The following COL5A1 variants were observed in gnomAD, a reference collection of about 807,000 sequenced individuals.
The protein encoded by COL5A1 is collagen type V alpha 1 chain, also known as collagen alpha-1(V) chain.
A neutral mutation model predicts 263.7 loss-of-function variants in COL5A1; 16 were observed. That is an observed-to-expected ratio of 0.06 (90% CI 0.04 to 0.09). The LOEUF (loss-of-function observed/expected upper bound fraction) is 0.09. Ranked by LOEUF, COL5A1 falls within the 10% of genes least tolerant of loss-of-function variation. The pLI is 1.00. For synonymous variants in COL5A1, 1,012 were observed against 1,004.5 expected (o/e 1.01, Z -0.14); for missense variants, 2,036 against 2,540.5 (o/e 0.80, Z 4.27).
At chr9:134,688,610 C>T (rs1833161284) in intron 1 of COL5A1, among the ~76,000 whole-genome samples, 4 of 152,196 alleles carry the variant, frequency 2.6e-5, no homozygotes, top group African/African-American at 9.7e-5. Flanking sequence ...CCCTGCTTGG[C>T]AGCCGAAAGC....
chr9:134,713,011 C>T (rs949244909), intron 4 of COL5A1, among the ~76,000 whole-genome samples: 57 of 152,214 alleles, frequency 3.7e-4, no homozygotes, highest in Non-Finnish European at 8.8e-5. Flanking sequence ...GCGTGATTCC[C>T]GCTGTGCTCC....
intron 49 of COL5A1, 63 bp from the exon 50 acceptor site, chr9:134,814,734 C>T (rs1402717604): frequency 1.1e-5 from 14 of 1,274,296 alleles, no homozygotes; most frequent in Non-Finnish European, 1.5e-5. Context: ...CGGGGAGGCC[C>T]ACCTTGCTCT....
In COL5A1 at chr9:134,791,770, G is replaced by C. The variant is rs1378028303; in HGVS notation, c.2700+2562G>C. Among the ~76,000 whole-genome samples the C allele has an allele frequency of 3.3e-5, 5 of 152,160 alleles. No homozygotes were observed. The South Asian group carries it at 8.3e-4, about 25-fold the overall frequency. On this transcript the variant is annotated intron_variant, in intron 32 of 65. Coordinates refer to ENST00000371817, the MANE Select transcript of COL5A1 (RefSeq NM_000093.5). ...TGGGCTTTGGACTTGGTAGTCTTGG[G>C]TGCAGTCCATTCACTTAAACAGCAC...
intron 27 of COL5A1, among the ~76,000 whole-genome samples, 192 bp from the exon 28 acceptor site, chr9:134,779,909 AG>A (rs1837189117): frequency 6.6e-6 from 1 of 152,172 alleles, no homozygotes; most frequent in Non-Finnish European, 1.5e-5. Context: ...CAGTGGAGTC[AG>A]CCCAGGAATT....
rs148594985 is a variant in COL5A1 at position 134,700,561 on chromosome 9, G to C, written c.491+439G>C. Among the ~76,000 whole-genome samples the C allele has an allele frequency of 5.8e-4, 88 of 152,314 alleles. No individual in the cohort carries two copies. The highest frequency in any genetic ancestry group is 2.1e-3 in the African/African-American group (86 of 41,566). ...CTGTTGGGTGCAGACCTCAACACCAGGGGTTGTCAGTCTCCTCTTTCGTGG... is the reference window on the plus strand; with the variant it reads ...CTGTTGGGTGCAGACCTCAACACCACGGGTTGTCAGTCTCCTCTTTCGTGG... On this transcript the variant is annotated intron_variant, in intron 3 of 65. Coordinates refer to ENST00000371817, the MANE Select transcript of COL5A1 (RefSeq NM_000093.5). The surrounding 1 kb of genome is among the most constrained non-coding windows in gnomAD (Gnocchi z 4.0).
At chr9:134,724,884 G>T (rs775462743) in intron 4 of COL5A1, among the ~76,000 whole-genome samples, 1 of 150,638 alleles carries the variant, frequency 6.6e-6, no homozygotes, top group Non-Finnish European at 1.5e-5. Flanking sequence ...AACCAGGCTC[G>T]GGTGAACCAG....
chr9:134,649,727 T>C, intron 1 of COL5A1: 1 of 343,504 alleles, frequency 2.9e-6, no homozygotes, highest in East Asian at 7.7e-5. Flanking sequence ...TAAAGAGAAA[T>C]GCACACGTAT....
intron 4 of COL5A1, among the ~76,000 whole-genome samples, chr9:134,705,053 G>A (rs1833792184): frequency 6.6e-6 from 1 of 152,184 alleles, no homozygotes; most frequent in African/African-American, 2.4e-5. Context: ...CCCCTGGAAG[G>A]ACAACTTCCG....
intron 25 of COL5A1, among the ~76,000 whole-genome samples, chr9:134,771,242 C>A (rs142165129): frequency 9.8e-5 from 15 of 152,366 alleles, no homozygotes; most frequent in Non-Finnish European, 2.2e-4. Flanking sequence ...AGGTCCTTCA[C>A]AGAAAGGTGT....
rs150118305 is a variant in COL5A1, at chr9:134,821,076, T to G, written c.4554+853T>G. On this transcript the variant is annotated intron_variant, in intron 58 of 65. Transcript: ENST00000371817. This position sits in a 1 kb window ranked among gnomAD's most constrained non-coding sequence, Gnocchi z 4.2. ...GAGCTCATTGCAAACCCTACCTCAC[T>G]GGCCAGTGTCCTCCATGCCATTGAC... Among the ~76,000 whole-genome samples, 132 of 152,246 alleles carry G rather than the reference T, an allele frequency of 8.7e-4. No individual in the cohort carries two copies. The highest frequency in any genetic ancestry group is 1.6e-3 in the Non-Finnish European group (107 of 68,008).
rs192275131 is a variant in COL5A1, at chr9:134,736,937, G to T, written c.1390-1537G>T. On this transcript the variant is annotated intron_variant, in intron 9 of 65. Coordinates refer to ENST00000371817, the MANE Select transcript of COL5A1 (RefSeq NM_000093.5). ...TTTCACTTGGTGTGCCACCTCCTGGGCACACTGGAGGGAGGCGGCCCCAGG... is the reference window on the plus strand; with the variant it reads ...TTTCACTTGGTGTGCCACCTCCTGGTCACACTGGAGGGAGGCGGCCCCAGG... Among the ~76,000 whole-genome samples, 420 of 152,354 alleles carry T rather than the reference G, an allele frequency of 2.8e-3. 1 individual carries two copies. Among genetic ancestry groups the T allele is most frequent in the African/African-American group, 9.8e-3 (407 of 41,580 alleles).
chr9:134,835,315 G>A (rs1251410884), intron 65 of COL5A1, 111 bp downstream of exon 65: 2 of 966,794 alleles, frequency 2.1e-6, no homozygotes, highest in Non-Finnish European at 3.1e-6. Flanking sequence ...GGCAGTGAGG[G>A]CCCCGGACCA....
rs984115323 is a variant in COL5A1, at chr9:134,841,197, G to A, written c.5371-960G>A. On this transcript the variant is annotated intron_variant, in intron 65 of 65. Coordinates refer to ENST00000371817, the MANE Select transcript of COL5A1 (RefSeq NM_000093.5). The surrounding 1 kb of genome is among the most constrained non-coding windows in gnomAD (Gnocchi z 4.8). Reference sequence around the variant, plus strand: ...CCAGCTGCGACTGTAAATCCAGTCTGGGTCTGAGGTAGCAAAAGCCATCTG... The same window carrying A: ...CCAGCTGCGACTGTAAATCCAGTCTAGGTCTGAGGTAGCAAAAGCCATCTG... Among the ~76,000 whole-genome samples, 1 of 152,248 alleles carries A rather than the reference G, an allele frequency of 6.6e-6. No individual in the cohort carries two copies. Among genetic ancestry groups the A allele is most frequent in the Non-Finnish European group, 1.5e-5 (1 of 68,052 alleles).
At chr9:134,693,407 A>G (rs1189314278) in intron 2 of COL5A1, among the ~76,000 whole-genome samples, 1 of 152,254 alleles carries the variant, frequency 6.6e-6, no homozygotes, top group South Asian at 2.1e-4. Flanking sequence ...TTTTAAGTCC[A>G]TGTTTTTTTA....
At chr9:134,825,965 G>A (rs1164392969) in intron 63 of COL5A1, 61 bp downstream of exon 63, 15 of 1,091,374 alleles carry the variant, frequency 1.4e-5, no homozygotes, top group Non-Finnish European at 1.8e-5. Context: ...GGGCCATGCC[G>A]AGGGCTTCAA....
rs980444140 is a variant in COL5A1, at chr9:134,821,658, A to G, written c.4555-439A>G. Among the ~76,000 whole-genome samples, 4 of 152,196 alleles carry G rather than the reference A, an allele frequency of 2.6e-5. No homozygotes were observed. The highest frequency in any genetic ancestry group is 9.6e-5 in the African/African-American group (4 of 41,456). On this transcript the variant is annotated intron_variant, in intron 58 of 65. Transcript: ENST00000371817. This position sits in a 1 kb window ranked among gnomAD's most constrained non-coding sequence, Gnocchi z 4.2. ...TTACAGGCAGGACAGGACAGTCAGC[A>G]TGGATGGGACTCCCTGCCCAACCCC...
intron 64 of COL5A1, among the ~76,000 whole-genome samples, chr9:134,832,406 CA>C (rs943255897): frequency 6.7e-6 from 1 of 149,830 alleles, no homozygotes; most frequent in Admixed American, 6.6e-5. Context: ...ACTCCGTCTC[CA>C]AAAAAAAAGA....
Position 134,841,743 on chromosome 9 carries a change from G to A in COL5A1, c.5371-414G>A, listed in dbSNP as rs1050815176. ...CCTGGAGCCCCCGTTTGATTTTCCA[G>A]TGTGCCCTGCTTGTTCTGTAGCTGG... On this transcript the variant is annotated intron_variant, in intron 65 of 65. Transcript: ENST00000371817. The surrounding 1 kb of genome is among the most constrained non-coding windows in gnomAD (Gnocchi z 4.8). Among the ~76,000 whole-genome samples the A allele has an allele frequency of 1.3e-5, 2 of 152,134 alleles. No homozygotes were observed. The highest frequency in any genetic ancestry group is 6.5e-5 in the Admixed American group (1 of 15,274).
chr9:134,797,414 A>G (rs939826104), intron 36 of COL5A1, among the ~76,000 whole-genome samples: 1 of 152,130 alleles, frequency 6.6e-6, no homozygotes, highest in African/African-American at 2.4e-5. Context: ...TGGCCTGTGC[A>G]CACTCACCCT....
Sources: gnomAD v4.1 joint callset for allele counts (sites outside exome capture counted in the v4.1 genomes callset) on GRCh38, gnomAD v4.1.1 for gene constraint, Gnocchi (gnomAD v3.1) non-coding constraint, MANE v1.5 for transcripts, NCBI Gene and HGNC (gene_info 2026-07-23, HGNC 2026-07-21) for gene names.